Variants in TLN1 observed in about 807,000 individuals in gnomAD.
TLN1 encodes talin 1, also known as talin-1.
Under a neutral mutation model 292.3 loss-of-function variants are expected in TLN1, and 56 were observed. That is an observed-to-expected ratio of 0.19 (90% CI 0.15 to 0.24). The LOEUF (loss-of-function observed/expected upper bound fraction) is 0.24, where lower values mean the gene tolerates loss of function less well. Among genes scored for constraint, TLN1 ranks in the 10% least tolerant of loss-of-function variants. The pLI, the probability that TLN1 is intolerant of heterozygous loss-of-function variation, is 1.00. For missense variants in TLN1, 2,433 were observed against 3,248.2 expected, an observed-to-expected ratio of 0.75 and a Z score of 6.10; for synonymous variants, 1,119 against 1,253.7, an observed-to-expected ratio of 0.89 and a Z score of 2.27.
rs762444402 is a variant in TLN1 at position 35,707,915 on chromosome 9, CACG to C, written c.4471-26_4471-24del. 8.7e-6 allele frequency: 14 copies of C among 1,611,586 alleles called. No individual in the cohort carries two copies. The highest frequency in any genetic ancestry group is 3.3e-5 in the Admixed American group (2 of 59,926). ...CACCTGAGGAGACACATGGAAGAGC[CACG>C]ATGAGGGCAGGAAGGAGGTGTACAT... On this transcript the variant is annotated intron_variant, in intron 34 of 56. Coordinates refer to ENST00000314888, the MANE Select transcript of TLN1 (RefSeq NM_006289.4). This position sits in a 1 kb window ranked among gnomAD's most constrained non-coding sequence, Gnocchi z 5.6.
At chr9:35,728,065 C>G (rs554609540) in intron 1 of TLN1, among the ~76,000 whole-genome samples, 1 of 152,162 alleles carries the variant, frequency 6.6e-6, no homozygotes, top group Admixed American at 6.5e-5. Context: ...CTCCCCACTG[C>G]CGTGTCCCCC....
In TLN1 at chr9:35,707,191, T is replaced by TC; in HGVS notation, c.4835dup (p.Leu1613ThrfsTer50). ...CGAGGGCCCGGGCTGTCTGGATGAG[T>TC]CCCCCGGCACTCTCTAACATTGTCT... On this transcript the variant is annotated frameshift_variant, in exon 37 of 57. Transcript: ENST00000314888. LOFTEE classifies it high-confidence loss of function. This position sits in a 1 kb window ranked among gnomAD's most constrained non-coding sequence, Gnocchi z 5.6. The TC allele has an allele frequency of 6.2e-7, 1 of 1,608,186 alleles. No individual in the cohort carries two copies. Among genetic ancestry groups the TC allele is most frequent in the Non-Finnish European group, 8.5e-7 (1 of 1,178,230 alleles).
Position 35,703,828 on chromosome 9 carries a change from C to A in TLN1, c.6304G>T (p.Ala2102Ser), listed in dbSNP as rs966971440. ...GCAGGGTCATCTCCAACTTTGCCAG[C>A]TGCAGCCTTCGTTGCACTGATGAGG... ...GDLISATKAA[A>S]GKVGDDPAVW... The change falls in exon 47 of 57, where the codon GCT becomes TCT. Residue 2102 changes from alanine (A) to serine (S), a missense_variant. Physicochemically the swap from Ala to Ser is moderately conservative, Grantham distance 99. Around this residue, in one of 7 missense-constraint regions of TLN1, gnomAD observed 1,384 missense variants for 1,699.6 expected, o/e 0.81. Coordinates refer to ENST00000314888, the MANE Select transcript of TLN1 (RefSeq NM_006289.4). 2 of 1,614,132 alleles carry A rather than the reference C, an allele frequency of 1.2e-6. No homozygotes were observed. The highest frequency in any genetic ancestry group is 1.7e-6 in the Non-Finnish European group (2 of 1,180,060).
Position 35,719,346 on chromosome 9 carries a change from G to C in TLN1, c.1688-64C>G. 1 of 1,526,522 alleles carries C rather than the reference G, an allele frequency of 6.6e-7. No homozygotes were observed. Among genetic ancestry groups the C allele is most frequent in the Non-Finnish European group, 9.0e-7 (1 of 1,109,726 alleles). The allele number at this position is 1,526,522 out of a possible 1,614,324, so 94.6% of individuals were successfully genotyped here. ...GCAGGCCAGACGAAGGGCTGGGGAG[G>C]GAGCAAAGTCACACCCAGTTAGTCA... On this transcript the variant is annotated intron_variant, in intron 15 of 56. Coordinates refer to ENST00000314888, the MANE Select transcript of TLN1 (RefSeq NM_006289.4). The surrounding 1 kb of genome is among the most constrained non-coding windows in gnomAD (Gnocchi z 4.6).
intron 1 of TLN1, among the ~76,000 whole-genome samples, chr9:35,731,583 C>G (rs1432388328): frequency 6.6e-6 from 1 of 152,180 alleles, no homozygotes; most frequent in African/African-American, 2.4e-5. Context: ...GACCCTTAAC[C>G]TGACCCTGAA....
In TLN1 at chr9:35,721,811, G is replaced by A; in HGVS notation, c.949-8C>T. 6.2e-7 allele frequency: 1 copy of A among 1,607,146 alleles called. No homozygotes were observed. The highest frequency in any genetic ancestry group is 1.1e-5 in the South Asian group (1 of 90,998). On this transcript the variant is annotated splice_region_variant and splice_polypyrimidine_tract_variant and intron_variant, in intron 9 of 56. Coordinates refer to ENST00000314888, the MANE Select transcript of TLN1 (RefSeq NM_006289.4). Reference sequence around the variant, plus strand: ...CTTCCCTTTCATTTTTTCCTATGAGGCAGAGGTTGGTGTTGGTGTTACAGG... The same window carrying A: ...CTTCCCTTTCATTTTTTCCTATGAGACAGAGGTTGGTGTTGGTGTTACAGG...
At position 35,720,132 on chromosome 9, in the gene TLN1, G is replaced by A. The variant is rs779172576; in HGVS notation, c.1371C>T (p.Ala457=). The change falls in exon 13 of 57, where the codon GCC becomes GCT. Residue 457 remains alanine (A), a synonymous_variant. Coordinates refer to ENST00000314888, the MANE Select transcript of TLN1 (RefSeq NM_006289.4). ...VALPAIMRSG[A]SGPENFQVGS... ...CCACCTGGAAATTCTCAGGACCAGAGGCTCCAGAGCGCATGATGGCAGGCA... is the reference window on the plus strand; with the variant it reads ...CCACCTGGAAATTCTCAGGACCAGAAGCTCCAGAGCGCATGATGGCAGGCA... The A allele has an allele frequency of 4.9e-5, 79 of 1,612,640 alleles. No individual in the cohort carries two copies. The highest frequency in any genetic ancestry group is 5.0e-5 in the Non-Finnish European group (59 of 1,179,452).
chr9:35,724,201 C>G lies in TLN1; in HGVS notation c.645G>C (p.Leu215=). The G allele has an allele frequency of 1.9e-6, 3 of 1,614,182 alleles. No homozygotes were observed. Among genetic ancestry groups the G allele is most frequent in the Non-Finnish European group, 2.5e-6 (3 of 1,180,024 alleles). Residue 215 remains leucine, a synonymous_variant, in exon 6 of 57, where the codon CTG becomes CTC. Coordinates refer to ENST00000314888, the MANE Select transcript of TLN1 (RefSeq NM_006289.4). This position sits in a 1 kb window ranked among gnomAD's most constrained non-coding sequence, Gnocchi z 4.7. ...DSRDPVQLNL[L]YVQARDDILN... ...CAAGTCCTCTGCATACCTGCACATA[C>G]AGGAGGTTCAGCTGTACAGGGTCCC...
chr9:35,723,066 G>C lies in TLN1; in HGVS notation c.783-145C>G, dbSNP rs150299160. 932 of 621,722 alleles carry C rather than the reference G, an allele frequency of 1.5e-3. 5 individuals carry two copies. The African/African-American group carries it at 0.015, about 10-fold the overall frequency. The allele number at this position is 621,722 out of a possible 1,614,324, so 38.5% of individuals were successfully genotyped here. A position where few individuals can be genotyped will look rare whatever the true frequency, so the allele number is the denominator to read the frequency against. Reference sequence around the variant, plus strand: ...AAAGACTCTGAGGGAATAGAGTCTAGATTATCTTCTGAAATAGAGGTGACT... The same window carrying C: ...AAAGACTCTGAGGGAATAGAGTCTACATTATCTTCTGAAATAGAGGTGACT... On this transcript the variant is annotated intron_variant, in intron 7 of 56. Coordinates refer to ENST00000314888, the MANE Select transcript of TLN1 (RefSeq NM_006289.4).
chr9:35,712,732 C>A, intron 27 of TLN1, 103 bp downstream of exon 27: 2 of 965,574 alleles, frequency 2.1e-6, no homozygotes, highest in Non-Finnish European at 3.1e-6. Flanking sequence ...AAGAAGACAT[C>A]ACTCTGTGAG....
chr9:35,710,482 T>G lies in TLN1; in HGVS notation c.4326+79A>C, dbSNP rs541155508. ...TTGCAAACATAAACTTCTTGATTTA[T>G]CTACAGGTATGTCAGGCTGAGAGAA... On this transcript the variant is annotated intron_variant, in intron 33 of 56. Transcript: ENST00000314888. 4.5e-4 allele frequency: 695 copies of G among 1,544,902 alleles called. 2 individuals are homozygous for G. In the East Asian group the frequency reaches 7.0e-3, roughly 15 times the overall value.
chr9:35,714,154 T>C lies in TLN1; in HGVS notation c.3121-73A>G. 4 of 1,603,890 alleles carry C rather than the reference T, an allele frequency of 2.5e-6. No individual in the cohort carries two copies. Among genetic ancestry groups the C allele is most frequent in the Non-Finnish European group, 3.4e-6 (4 of 1,172,174 alleles). ...ACCAATGCCTCTGATTACACAATTA[T>C]CTGCGTATTGGGTTATTCTGCACAG... On this transcript the variant is annotated intron_variant, in intron 24 of 56. Coordinates refer to ENST00000314888, the MANE Select transcript of TLN1 (RefSeq NM_006289.4). This position sits in a 1 kb window ranked among gnomAD's most constrained non-coding sequence, Gnocchi z 4.6.
chr9:35,714,979 C>A lies in TLN1; in HGVS notation c.2754+80G>T. The A allele has an allele frequency of 1.9e-6, 3 of 1,610,910 alleles. No homozygotes were observed. The highest frequency in any genetic ancestry group is 2.5e-6 in the Non-Finnish European group (3 of 1,179,794). On this transcript the variant is annotated intron_variant, in intron 21 of 56. Transcript: ENST00000314888. This position sits in a 1 kb window ranked among gnomAD's most constrained non-coding sequence, Gnocchi z 4.6. ...TATGCCTCAAGGACGTATTAACTTA[C>A]TCTCCGCACCTCCCTTTCAGTTCAT...
intron 8 of TLN1, 117 bp downstream of exon 8, chr9:35,722,744 C>T (rs1396164114): frequency 5.0e-6 from 5 of 1,000,492 alleles, no homozygotes; most frequent in Non-Finnish European, 6.3e-6. Context: ...GATAACAGCC[C>T]GGTGGGTGAA....
chr9:35,705,632 A>G lies in TLN1; in HGVS notation c.5652T>C (p.Pro1884=). ...KSNTSPEELG[P]LANQLTSDYG... The stretch of plus-strand genomic sequence containing the variant: ...AGTCACTGGTCAGCTGGTTAGCAAG[A>G]GGGCCCAGCTCCTCTGGGCTGGTGT... Residue 1884 remains proline, a synonymous_variant, in exon 43 of 57, where the codon CCT becomes CCC. Transcript: ENST00000314888. 3 of 1,608,522 alleles carry G rather than the reference A, an allele frequency of 1.9e-6. No homozygotes were observed. The highest frequency in any genetic ancestry group is 2.6e-6 in the Non-Finnish European group (3 of 1,175,338).
In TLN1 at chr9:35,711,783, T is replaced by G; in HGVS notation, c.3691A>C (p.Ser1231Arg). ...TGAGCTTCTTGAAATGTCCCAGTGC[T>G]AGGAGGAAGCTGCAAGGTGAGAGGG... ...KRLLSDSLPP[S>R]TGTFQEAQSR... Residue 1231 changes from serine (S) to arginine (R), a missense_variant, in exon 29 of 57, where the codon AGC becomes CGC. Physicochemically the swap from Ser to Arg is moderately radical, Grantham distance 110. Transcript: ENST00000314888. The G allele has an allele frequency of 1.2e-6, 2 of 1,613,806 alleles. No individual in the cohort carries two copies. Among genetic ancestry groups the G allele is most frequent in the Non-Finnish European group, 1.7e-6 (2 of 1,179,978 alleles).
Position 35,698,456 on chromosome 9 carries a change from G to A in TLN1, c.7238C>T (p.Ala2413Val), listed in dbSNP as rs745524706. Residue 2413 changes from alanine (A) to valine (V), a missense_variant, in exon 55 of 57, where the codon GCA (alanine) becomes GTA (valine). Coordinates refer to ENST00000314888, the MANE Select transcript of TLN1 (RefSeq NM_006289.4). This position sits in a 1 kb window ranked among gnomAD's most constrained non-coding sequence, Gnocchi z 5.3. ...ATNNLCEAANAAVQGHASQEK... is the reference protein window; with the variant it reads ...ATNNLCEAANVAVQGHASQEK... ...CTGGCTGGCATGGCCTTGTACAGCT[G>A]CATTGGCTGCCTCACACAGATTGTT... 1.2e-6 allele frequency: 2 copies of A among 1,614,042 alleles called. No individual in the cohort carries two copies. The highest frequency in any genetic ancestry group is 1.7e-6 in the Non-Finnish European group (2 of 1,179,986).
Position 35,707,458 on chromosome 9 carries a change from G to C in TLN1, c.4663C>G (p.Arg1555Gly). 1 of 1,614,144 alleles carries C rather than the reference G, an allele frequency of 6.2e-7. No homozygotes were observed. The highest frequency in any genetic ancestry group is 1.3e-5 in the African/African-American group (1 of 75,036). Residue 1555 changes from arginine (R) to glycine (G), a missense_variant, in exon 36 of 57, where the codon CGT becomes GGT. This residue lies in a region of TLN1 where 1,384 missense variants were observed against 1,699.6 expected (regional missense o/e 0.81). Transcript: ENST00000314888. This position sits in a 1 kb window ranked among gnomAD's most constrained non-coding sequence, Gnocchi z 5.6. ...GCTGTTGCTGCTCGGCACTGGGCAC[G>C]GTTCTCCTCTGTGAAGGCCCCATCT... ...ALDGAFTEEN[R>G]AQCRAATAPL...
At chr9:35,700,803 T>C (rs1341005289) in intron 48 of TLN1, among the ~76,000 whole-genome samples, 2 of 152,220 alleles carry the variant, frequency 1.3e-5, no homozygotes, top group African/African-American at 4.8e-5. Flanking sequence ...CTTGGACTTT[T>C]ACATAATATG....
Sources: allele counts gnomAD v4.1 joint callset (sites outside exome capture counted in the v4.1 genomes callset), GRCh38; gene constraint gnomAD v4.1.1; regional missense constraint gnomAD v4.1.1; non-coding constraint Gnocchi (gnomAD v3.1); transcripts MANE v1.5; gene names NCBI Gene and HGNC (gene_info 2026-07-23, HGNC 2026-07-21).